The following SLC43A2 variants were observed in gnomAD, a reference collection of about 807,000 sequenced individuals.
SLC43A2 encodes large neutral amino acids transporter small subunit 4.
A neutral mutation model predicts 63.2 loss-of-function variants in SLC43A2; 38 were observed. The observed-to-expected ratio is 0.60, with a 90% CI of 0.46 to 0.79. SLC43A2 has a LOEUF of 0.79. Among genes scored for constraint, SLC43A2 ranks in the 30% least tolerant of loss-of-function variants. The pLI, the probability that SLC43A2 is intolerant of heterozygous loss-of-function variation, is 0.00. For synonymous variants in SLC43A2, 322 were observed against 331.0 expected (o/e 0.97, Z 0.30); for missense variants, 644 against 756.2 (o/e 0.85, Z 1.74).
intron 5 of SLC43A2, among the ~76,000 whole-genome samples, chr17:1,609,482 G>C (rs1428332562): frequency 6.6e-6 from 1 of 152,190 alleles, no homozygotes; most frequent in Admixed American, 6.6e-5. Flanking sequence ...GATTACAGGC[G>C]TGAGCCACTG....
chr17:1,607,809 G>A (rs1181612685), intron 5 of SLC43A2, among the ~76,000 whole-genome samples: 3 of 152,094 alleles, frequency 2.0e-5, no homozygotes, highest in Admixed American at 1.3e-4. Flanking sequence ...TCTGCCTCCC[G>A]GGTTCAAGCA....
Position 1,575,527 on chromosome 17 carries a change from G to C in SLC43A2, c.*77C>G, listed in dbSNP as rs2075910844. The C allele has an allele frequency of 8.2e-6, 13 of 1,578,734 alleles. No individual in the cohort carries two copies. The highest frequency in any genetic ancestry group is 1.0e-5 in the Non-Finnish European group (12 of 1,148,782). The stretch of plus-strand genomic sequence containing the variant: ...GACGGCGAAGGTCCTGGGGGTGCGT[G>C]GGGTACTCTGGAGGGGCAGGACAGG... On this transcript the variant is annotated 3_prime_UTR_variant, in exon 14 of 14. Transcript: ENST00000301335.
At chr17:1,580,006 A>G (rs2151029878) in intron 11 of SLC43A2, among the ~76,000 whole-genome samples, 1 of 151,524 alleles carries the variant, frequency 6.6e-6, no homozygotes, top group Non-Finnish European at 1.5e-5. Context: ...GGCTCACTGC[A>G]AGCTCCGCCT....
intron 5 of SLC43A2, among the ~76,000 whole-genome samples, chr17:1,597,947 A>T (rs560730843): frequency 6.6e-6 from 1 of 152,256 alleles, no homozygotes; most frequent in South Asian, 2.1e-4. Flanking sequence ...GGTAGGTTGC[A>T]GTTCAAAGGA....
intron 5 of SLC43A2, among the ~76,000 whole-genome samples, chr17:1,595,280 CAA>C (rs200256211): frequency 0.015 from 2,000 of 133,118 alleles, 50 homozygotes; most frequent in African/African-American, 0.052. Context: ...GACTCTGTGT[CAA>C]AAAAAAAAAA....
At chr17:1,616,892 C>A in intron 2 of SLC43A2, 123 bp from the exon 3 acceptor site, 1 of 1,124,830 alleles carries the variant, frequency 8.9e-7, no homozygotes, top group South Asian at 1.5e-5. Flanking sequence ...GGCGGCCTCT[C>A]GAGGGCTCAG....
intron 9 of SLC43A2, among the ~76,000 whole-genome samples, chr17:1,588,348 T>C (rs866770341): frequency 1.7e-4 from 26 of 150,918 alleles, no homozygotes; most frequent in Middle Eastern, 3.5e-3. Context: ...CTCATGCCAC[T>C]GTGCTCCAGC....
At position 1,569,551 on chromosome 17, in the gene SLC43A2, T is replaced by A. The variant is rs2075816741; in HGVS notation, c.*6053A>T. 6.6e-6 allele frequency: 1 copy of A among 152,200 alleles called. No individual in the cohort carries two copies. Among genetic ancestry groups the A allele is most frequent in the Admixed American group, 6.6e-5 (1 of 15,266 alleles). The allele number at this position is 152,200 out of a possible 1,614,324, so 9.4% of individuals were successfully genotyped here. ...GGCACACAAGAAATCTACACAGTCT[T>A]CCCAACATGTACACACCCTGACATG... On this transcript the variant is annotated 3_prime_UTR_variant, in exon 14 of 14. Coordinates refer to ENST00000301335, the MANE Select transcript of SLC43A2 (RefSeq NM_152346.3).
At position 1,626,258 on chromosome 17, in the gene SLC43A2, GGA is replaced by G. The variant is rs559287462; in HGVS notation, c.160+1455_160+1456del. The stretch of plus-strand genomic sequence containing the variant: ...AGGAAGGGTCACGATCTCTAAGGGG[GGA>G]GAGAGGAAAGGAGAGGAAGAAGTAA... On this transcript the variant is annotated intron_variant, in intron 2 of 13. Transcript: ENST00000301335. Among the ~76,000 whole-genome samples, 81 of 151,276 alleles carry G rather than the reference GGA, an allele frequency of 5.4e-4. No homozygotes were observed. The East Asian group carries it at 0.015, about 28-fold the overall frequency.
chr17:1,615,639 C>A (rs1023579313), intron 3 of SLC43A2, among the ~76,000 whole-genome samples: 4 of 149,690 alleles, frequency 2.7e-5, no homozygotes, highest in Non-Finnish European at 4.5e-5. Flanking sequence ...GTCAGGAGAT[C>A]GAGACCATCC....
chr17:1,585,394 G>A (rs746297698), intron 10 of SLC43A2: 32 of 364,018 alleles, frequency 8.8e-5, no homozygotes, highest in South Asian at 1.8e-4. Flanking sequence ...GGCGCGCGCC[G>A]CCACCGCACC....
In SLC43A2 at chr17:1,590,878, C is replaced by T. The variant is rs757737415; in HGVS notation, c.1002G>A (p.Thr334=). The part of the protein sequence containing the change: ...LLLSLVTMCV[T]QLRLIFYMGA... ...CCATGTAGAAGATGAGCCGCAGCTGCGTGACGCACATGGTGACCAGGCTGA... is the reference window on the plus strand; with the variant it reads ...CCATGTAGAAGATGAGCCGCAGCTGTGTGACGCACATGGTGACCAGGCTGA... The change falls in exon 9 of 14, where the codon ACG becomes ACA. Residue 334 remains threonine, a synonymous_variant. Transcript: ENST00000301335. The T allele has an allele frequency of 1.8e-5, 28 of 1,553,576 alleles. No homozygotes were observed. The highest frequency in any genetic ancestry group is 1.7e-4 in the Middle Eastern group (1 of 5,826).
chr17:1,590,500 C>G (rs1567620206), intron 9 of SLC43A2, among the ~76,000 whole-genome samples: 1 of 152,172 alleles, frequency 6.6e-6, no homozygotes, highest in Non-Finnish European at 1.5e-5. Context: ...GTTCTGTTTT[C>G]ATTTACAGAC....
rs2076059997 is a variant in SLC43A2, at chr17:1,583,959, G to A, written c.1218-623C>T. On this transcript the variant is annotated intron_variant, in intron 10 of 13. Coordinates refer to ENST00000301335, the MANE Select transcript of SLC43A2 (RefSeq NM_152346.3). The surrounding 1 kb of genome is among the most constrained non-coding windows in gnomAD (Gnocchi z 5.5). ...CACCCGGGCTGGAGTGCAGTGGTGT[G>A]ATCTCGGCTCATTGCCACCTCTGCC... Among the ~76,000 whole-genome samples, 1 of 151,010 alleles carries A rather than the reference G, an allele frequency of 6.6e-6. No homozygotes were observed. The highest frequency in any genetic ancestry group is 2.1e-4 in the South Asian group (1 of 4,750).
upstream of SLC43A2, among the ~76,000 whole-genome samples, chr17:1,629,123 G>T (rs1327391067): frequency 6.6e-6 from 1 of 152,100 alleles, no homozygotes; most frequent in Non-Finnish European, 1.5e-5. Flanking sequence ...CCTCTCCAGC[G>T]GCCTGACCCT....
At chr17:1,585,743 T>C (rs780707688) in intron 10 of SLC43A2, 170 bp downstream of exon 10, 3 of 1,572,038 alleles carry the variant, frequency 1.9e-6, no homozygotes, top group South Asian at 2.3e-5. Flanking sequence ...AGGGGAGCAG[T>C]TGAAACGCAT....
At chr17:1,613,615 G>A (rs563441096) in intron 4 of SLC43A2, among the ~76,000 whole-genome samples, 1 of 152,224 alleles carries the variant, frequency 6.6e-6, no homozygotes, top group African/African-American at 2.4e-5. Flanking sequence ...ACCACACCCG[G>A]CTAATTTTTG....
rs140618569 is a variant in SLC43A2 at position 1,614,437 on chromosome 17, C to T, written c.424+542G>A. 6.2e-3 allele frequency among the ~76,000 whole-genome samples: 697 copies of T among 111,608 alleles called. 4 individuals are homozygous for T. The highest frequency in any genetic ancestry group is 0.019 in the African/African-American group (670 of 35,812). The allele number at this position is 111,608 out of a possible 152,430, so 73.2% of individuals were successfully genotyped here. ...AAAACAAAACAAAACAAAACAACAACAACAAAAAAACAAACAGCAGCGAGC... is the reference window on the plus strand; with the variant it reads ...AAAACAAAACAAAACAAAACAACAATAACAAAAAAACAAACAGCAGCGAGC... On this transcript the variant is annotated intron_variant, in intron 4 of 13. Transcript: ENST00000301335.
chr17:1,606,520 T>A lies in SLC43A2; in HGVS notation c.501+6675A>T, dbSNP rs1906625336. 6.6e-6 allele frequency among the ~76,000 whole-genome samples: 1 copy of A among 151,802 alleles called. No individual in the cohort carries two copies. Among genetic ancestry groups the A allele is most frequent in the Non-Finnish European group, 1.5e-5 (1 of 67,932 alleles). ...CCACCCACGGGGACAGGGGTCAGAG[T>A]AATGGAGTGGAAATGGCAGGTTCAC... is the stretch of plus-strand genomic sequence containing the variant. On this transcript the variant is annotated intron_variant, in intron 5 of 13. Coordinates refer to ENST00000301335, the MANE Select transcript of SLC43A2 (RefSeq NM_152346.3). The surrounding 1 kb of genome is among the most constrained non-coding windows in gnomAD (Gnocchi z 4.7).
Sources: gnomAD v4.1 joint callset for allele counts (sites outside exome capture counted in the v4.1 genomes callset) on GRCh38, gnomAD v4.1.1 for gene constraint, Gnocchi (gnomAD v3.1) non-coding constraint, MANE v1.5 for transcripts, NCBI Gene and HGNC (gene_info 2026-07-23, HGNC 2026-07-21) for gene names.